Variants in EIF2AK4 observed in about 807,000 individuals in gnomAD.
EIF2AK4 encodes eIF-2-alpha kinase GCN2.
Under a neutral mutation model 211.1 loss-of-function variants are expected in EIF2AK4, and 139 were observed. That is an observed-to-expected ratio of 0.66 (90% confidence interval 0.57 to 0.76). The LOEUF (loss-of-function observed/expected upper bound fraction) is 0.76, where lower values mean the gene tolerates loss of function less well. Among genes scored for constraint, EIF2AK4 ranks in the 30% least tolerant of loss-of-function variants. The pLI is 0.00. For synonymous variants in EIF2AK4, 710 were observed against 751.3 expected, an observed-to-expected ratio of 0.94 and a Z score of 0.90; for missense variants, 1,664 against 2,043.8, an observed-to-expected ratio of 0.81 and a Z score of 3.58.
intron 13 of EIF2AK4, 25 bp from the exon 14 acceptor site, chr15:39,985,780 T>C: frequency 6.2e-7 from 1 of 1,613,198 alleles, no homozygotes; most frequent in Non-Finnish European, 8.5e-7. Flanking sequence ...CCATTTTGAG[T>C]TATTGTGTGT....
intron 17 of EIF2AK4, 84 bp downstream of exon 17, chr15:39,992,313 G>T: frequency 1.6e-6 from 2 of 1,248,886 alleles, no homozygotes; most frequent in South Asian, 1.6e-5. Flanking sequence ...TACTTGTAAA[G>T]GTTTTATTCT....
chr15:39,938,636 A>G (rs1291250397), intron 1 of EIF2AK4, among the ~76,000 whole-genome samples: 1 of 152,164 alleles, frequency 6.6e-6, no homozygotes, highest in East Asian at 1.9e-4. Context: ...ATGGCATAAT[A>G]AAAGAGTGGC....
chr15:39,961,748 G>A (rs2034475345), intron 6 of EIF2AK4, 36 bp from the exon 7 acceptor site: 13 of 1,506,258 alleles, frequency 8.6e-6, no homozygotes, highest in Non-Finnish European at 1.1e-5. Flanking sequence ...AATGAAAAAT[G>A]ATTGTTCAAA....
chr15:39,970,942 A>C (rs950142099), intron 9 of EIF2AK4, among the ~76,000 whole-genome samples: 2 of 152,264 alleles, frequency 1.3e-5, no homozygotes, highest in Non-Finnish European at 2.9e-5. Context: ...CTGCTGCAAC[A>C]TAAAAAAAAG....
At position 39,949,134 on chromosome 15, in the gene EIF2AK4, G is replaced by T. The variant is rs1455653095; in HGVS notation, c.379G>T (p.Ala127Ser). ...HCGEVMIFEL[A>S]YHVQSFLSEH... ...TGTTTAGGTGATGATCTTTGAACTG[G>T]CTTACCACGTGCAGTCATTTCTCAG... Residue 127 changes from alanine (A) to serine (S), a missense_variant, in exon 4 of 39, where the codon GCT (alanine) becomes TCT (serine). By Grantham distance (99) the Ala-to-Ser change is moderately conservative. Transcript: ENST00000263791. 13 of 1,613,826 alleles carry T rather than the reference G, an allele frequency of 8.1e-6. No individual in the cohort carries two copies. The African/African-American group carries it at 9.3e-5, about 12-fold the overall frequency.
chr15:39,973,674 A>G lies in EIF2AK4; in HGVS notation c.1743A>G (p.Arg581=). 2.5e-6 allele frequency: 4 copies of G among 1,614,156 alleles called. No homozygotes were observed. The highest frequency in any genetic ancestry group is 3.4e-6 in the Non-Finnish European group (4 of 1,180,006). The change falls in exon 11 of 39, where the codon AGA becomes AGG. Residue 581 remains arginine, a synonymous_variant. Coordinates refer to ENST00000263791, the MANE Select transcript of EIF2AK4 (RefSeq NM_001013703.4). ...CTGCCTTCTTTAGTGAGACACAGAG[A>G]CAGTTTTCCCGATACTTCATTGAGT... ...PSAAFFSETQ[R]QFSRYFIEFE...
Position 40,035,049 on chromosome 15 carries a change from A to G in EIF2AK4, c.4915A>G (p.Ser1639Gly), listed in dbSNP as rs372749738. 5 of 1,584,466 alleles carry G rather than the reference A, an allele frequency of 3.2e-6. No homozygotes were observed. Among genetic ancestry groups the G allele is most frequent in the Non-Finnish European group, 4.3e-6 (5 of 1,166,488 alleles). Reference protein sequence around the residue: ...EKKVSVLFLYSYRDDYYRILF With the variant: ...EKKVSVLFLYGYRDDYYRILF ...CAGGGTGTCTGTGCTATTTCTGTAC[A>G]GCTATAGAGATGACTACTACAGAAT... The change falls in exon 39 of 39, where the codon AGC becomes GGC. Residue 1639 changes from serine (S) to glycine (G), a missense_variant. This residue lies in a region of EIF2AK4 where 138 missense variants were observed against 165.1 expected (regional missense o/e 0.84). Transcript: ENST00000263791.
At chr15:39,935,333 T>C (rs1354986311) in intron 1 of EIF2AK4, among the ~76,000 whole-genome samples, 1 of 151,296 alleles carries the variant, frequency 6.6e-6, no homozygotes, top group Non-Finnish European at 1.5e-5. Flanking sequence ...TCTAACTTCA[T>C]CTGCTTTTTT....
intron 13 of EIF2AK4, among the ~76,000 whole-genome samples, chr15:39,980,803 C>T (rs919772824): frequency 9.2e-5 from 14 of 152,174 alleles, no homozygotes; most frequent in Non-Finnish European, 1.5e-4. Flanking sequence ...ATCCTCCTGC[C>T]TCAGCCTCCC....
intron 1 of EIF2AK4, among the ~76,000 whole-genome samples, chr15:39,937,536 C>T (rs956269789): frequency 9.9e-5 from 15 of 152,042 alleles, no homozygotes; most frequent in Non-Finnish European, 1.9e-4. Flanking sequence ...CATTTATTTA[C>T]GTAATTTATG....
intron 33 of EIF2AK4, 148 bp from the exon 34 acceptor site, chr15:40,029,258 T>G (rs980742957): frequency 7.3e-6 from 10 of 1,364,748 alleles, no homozygotes; most frequent in African/African-American, 1.5e-5. Context: ...AATGCAAATT[T>G]TTTGTTTTTG....
In EIF2AK4 at chr15:39,976,531, G is replaced by GAGAA; in HGVS notation, c.1937_1940dup (p.Asn647LysfsTer34). On this transcript the variant is annotated frameshift_variant, in exon 12 of 39. Transcript: ENST00000263791. LOFTEE classifies it high-confidence loss of function. Reference sequence around the variant, plus strand: ...GACACTGCTGTCACGGCTGCACCATGAGAACATTGTGCGCTACTACAACGC... The same window carrying GAGAA: ...GACACTGCTGTCACGGCTGCACCATGAGAAAGAACATTGTGCGCTACTACAACGC... 6.2e-7 allele frequency: 1 copy of GAGAA among 1,613,102 alleles called. No homozygotes were observed. Among genetic ancestry groups the GAGAA allele is most frequent in the Non-Finnish European group, 8.5e-7 (1 of 1,179,916 alleles).
intron 13 of EIF2AK4, among the ~76,000 whole-genome samples, chr15:39,979,658 T>C (rs2034752417): frequency 6.6e-6 from 1 of 152,238 alleles, no homozygotes; most frequent in South Asian, 2.1e-4. Flanking sequence ...AAATGTCTTT[T>C]TGCCCACATT....
At chr15:39,997,096 T>C (rs780885194) in intron 19 of EIF2AK4, 31 bp downstream of exon 19, 1 of 1,438,270 alleles carries the variant, frequency 7.0e-7, no homozygotes, top group Non-Finnish European at 9.8e-7. Context: ...TGCCTACATT[T>C]TCAGTAACCG....
At chr15:39,975,685 C>T (rs1429633397) in intron 11 of EIF2AK4, among the ~76,000 whole-genome samples, 2 of 152,186 alleles carry the variant, frequency 1.3e-5, no homozygotes, top group Non-Finnish European at 2.9e-5. Flanking sequence ...TATTATTTTA[C>T]TGTGTTGTTA....
chr15:39,946,979 G>T, intron 3 of EIF2AK4: 1 of 213,042 alleles, frequency 4.7e-6, no homozygotes, highest in Non-Finnish European at 9.2e-6. Flanking sequence ...ATATGCACTG[G>T]GAAACCAAAA....
intron 20 of EIF2AK4, 26 bp from the exon 21 acceptor site, chr15:40,000,962 A>G: frequency 6.2e-7 from 1 of 1,609,698 alleles, no homozygotes; most frequent in Admixed American, 1.7e-5. Flanking sequence ...GCATCCCATT[A>G]GCAGTGTGCC....
chr15:39,961,733 A>G (rs2034474896), intron 6 of EIF2AK4, 51 bp from the exon 7 acceptor site: 1 of 1,438,076 alleles, frequency 7.0e-7, no homozygotes, highest in Non-Finnish European at 9.6e-7. Context: ...AATCTTAAAG[A>G]AAAAAATGAA....
chr15:40,028,256 G>T (rs2035492389), intron 33 of EIF2AK4, among the ~76,000 whole-genome samples: 1 of 151,910 alleles, frequency 6.6e-6, no homozygotes, highest in East Asian at 1.9e-4. Context: ...TAAATTATTT[G>T]TAGAGACAGG....
Sources: allele counts gnomAD v4.1 joint callset (sites outside exome capture counted in the v4.1 genomes callset), GRCh38; gene constraint gnomAD v4.1.1; regional missense constraint gnomAD v4.1.1; transcripts MANE v1.5; gene names NCBI Gene and HGNC (gene_info 2026-07-23, HGNC 2026-07-21).